The following SPOCK3 variants were observed in gnomAD, a reference collection of about 807,000 sequenced individuals.
SPOCK3 encodes testican-3.
Under a neutral mutation model 56.6 loss-of-function variants are expected in SPOCK3, and 30 were observed. The observed-to-expected ratio is 0.53, with a 90% confidence interval of 0.40 to 0.72. The LOEUF (loss-of-function observed/expected upper bound fraction) is 0.72. SPOCK3 is among the 30% of genes least tolerant of loss of function. The pLI, the probability that SPOCK3 is intolerant of heterozygous loss-of-function variation, is 0.00. For synonymous variants in SPOCK3, 196 were observed against 183.3 expected (o/e 1.07, Z -0.56); for missense variants, 527 against 530.0 (o/e 0.99, Z 0.06).
intron 2 of SPOCK3, among the ~76,000 whole-genome samples, chr4:167,174,063 T>C (rs1730743617): frequency 6.6e-6 from 1 of 152,170 alleles, no homozygotes; most frequent in South Asian, 2.1e-4. Flanking sequence ...TACCATTGTT[T>C]TTTAATAGCT....
At chr4:167,088,765 T>A (rs1758439350) in intron 2 of SPOCK3, among the ~76,000 whole-genome samples, 2 of 152,114 alleles carry the variant, frequency 1.3e-5, no homozygotes, top group South Asian at 4.1e-4. Flanking sequence ...GCCTGGCTGC[T>A]CATTTTTAAG....
intron 2 of SPOCK3, among the ~76,000 whole-genome samples, chr4:167,117,994 A>G (rs1761572771): frequency 6.6e-6 from 1 of 152,144 alleles, no homozygotes; most frequent in African/African-American, 2.4e-5. Context: ...GTTTCTACTA[A>G]TCTTTTACAT....
At chr4:167,077,823 G>A (rs553571480) in intron 2 of SPOCK3, among the ~76,000 whole-genome samples, 2 of 151,796 alleles carry the variant, frequency 1.3e-5, no homozygotes, top group Admixed American at 1.3e-4. Context: ...CTGCAGGTGA[G>A]TCCATTCATA....
intron 2 of SPOCK3, among the ~76,000 whole-genome samples, chr4:167,161,285 G>C (rs1217853963): frequency 1.3e-5 from 2 of 152,040 alleles, no homozygotes; most frequent in Non-Finnish European, 2.9e-5. Flanking sequence ...AGACACATGA[G>C]AAAATGCTCA....
intron 2 of SPOCK3, among the ~76,000 whole-genome samples, chr4:167,075,713 C>G (rs1178064575): frequency 1.3e-5 from 2 of 151,950 alleles, no homozygotes; most frequent in Non-Finnish European, 2.9e-5. Flanking sequence ...ATGACCACAG[C>G]TCCCTGCAAC....
intron 3 of SPOCK3, among the ~76,000 whole-genome samples, chr4:167,037,696 CAAAG>C (rs1752888645): frequency 6.6e-6 from 1 of 152,076 alleles, no homozygotes; most frequent in African/African-American, 2.4e-5. Context: ...GGAAGAGAAA[CAAAG>C]AAGTCACTAT....
intron 4 of SPOCK3, among the ~76,000 whole-genome samples, chr4:166,966,240 G>GT (rs35645475): frequency 0.36 from 51,553 of 141,268 alleles, 9,372 homozygotes; most frequent in Admixed American, 0.5. Flanking sequence ...TCCTTTCAGC[G>GT]TTTTTTTTTT....
At chr4:166,979,199 G>A (rs1429252869) in intron 4 of SPOCK3, among the ~76,000 whole-genome samples, 1 of 152,086 alleles carries the variant, frequency 6.6e-6, no homozygotes, top group Non-Finnish European at 1.5e-5. Flanking sequence ...CTGAAAAAGA[G>A]CTCCTCTTCC....
intron 4 of SPOCK3, among the ~76,000 whole-genome samples, chr4:166,995,258 T>TGC (rs1748233011): frequency 6.6e-6 from 1 of 151,746 alleles, no homozygotes; most frequent in Non-Finnish European, 1.5e-5. Context: ...TATGTGTGTG[T>TGC]GTGTGCATAC....
At chr4:166,763,698 A>G (rs1737558655) in intron 7 of SPOCK3, among the ~76,000 whole-genome samples, 1 of 134,628 alleles carries the variant, frequency 7.4e-6, no homozygotes, top group African/African-American at 2.6e-5. Flanking sequence ...CTTACAGCAT[A>G]TGTAAAGTGT....
rs529324616 is a variant in SPOCK3 at position 166,763,790 on chromosome 4, ATAGT to A, written c.710-9065_710-9062del. Among the ~76,000 whole-genome samples the A allele has an allele frequency of 1.8e-4, 27 of 152,272 alleles. No homozygotes were observed. In the South Asian group the frequency reaches 5.4e-3, roughly 30 times the overall value. ...TAGAGCAAACACCAAAAAGTAAAAT[ATAGT>A]TAATTAACTATGTTAGTTTGGTATT... On this transcript the variant is annotated intron_variant, in intron 7 of 10. Coordinates refer to ENST00000357545, the MANE Select transcript of SPOCK3 (RefSeq NM_001040159.2).
At chr4:166,753,490 T>G (rs1736682312) in intron 8 of SPOCK3, among the ~76,000 whole-genome samples, 1 of 151,984 alleles carries the variant, frequency 6.6e-6, no homozygotes, top group Non-Finnish European at 1.5e-5. Context: ...TGTACTCAAC[T>G]AAAGCTTCTG....
intron 6 of SPOCK3, among the ~76,000 whole-genome samples, chr4:166,829,756 C>T (rs1673572820): frequency 1.3e-5 from 2 of 152,028 alleles, no homozygotes. Context: ...TATTGTGTAG[C>T]TTATCATAAC....
chr4:166,774,041 A>T lies in SPOCK3; in HGVS notation c.709+18129T>A, dbSNP rs185037031. ...AAAAGTTGTATTGTCCTTGTAAGGT[A>T]CAAATATAAGATAATTGGCATTGCA... On this transcript the variant is annotated intron_variant, in intron 7 of 10. Transcript: ENST00000357545. 2.0e-4 allele frequency among the ~76,000 whole-genome samples: 30 copies of T among 152,350 alleles called. 1 individual carries two copies. Among genetic ancestry groups the T allele is most frequent in the Admixed American group, 2.0e-3 (30 of 15,300 alleles).
chr4:167,010,485 A>G (rs1749924866), intron 3 of SPOCK3, among the ~76,000 whole-genome samples: 1 of 146,122 alleles, frequency 6.8e-6, no homozygotes, highest in Non-Finnish European at 1.5e-5. Context: ...ACGCCACTGC[A>G]CTACAGTCTG....
chr4:167,001,628 T>C (rs1254566465), intron 3 of SPOCK3, among the ~76,000 whole-genome samples: 1 of 152,196 alleles, frequency 6.6e-6, no homozygotes, highest in Non-Finnish European at 1.5e-5. Flanking sequence ...TTTGTTGTAA[T>C]TTATTGTTGG....
intron 6 of SPOCK3, among the ~76,000 whole-genome samples, chr4:166,818,168 T>C (rs1017637333): frequency 3.9e-5 from 6 of 151,982 alleles, no homozygotes; most frequent in African/African-American, 1.4e-4. Flanking sequence ...TCACTTAACA[T>C]AATATTCCCC....
intron 7 of SPOCK3, among the ~76,000 whole-genome samples, chr4:166,772,625 A>T (rs1739079136): frequency 6.6e-6 from 1 of 152,224 alleles, no homozygotes; most frequent in Admixed American, 6.5e-5. Context: ...GGAAATTGAT[A>T]CAACAGAATA....
chr4:167,151,521 G>A (rs1052917893), intron 2 of SPOCK3, among the ~76,000 whole-genome samples: 1 of 147,872 alleles, frequency 6.8e-6, no homozygotes, highest in Non-Finnish European at 1.5e-5. Context: ...TGCAAGCTCC[G>A]CCTCCCAGGT....
Sources: gnomAD v4.1 joint callset for allele counts (sites outside exome capture counted in the v4.1 genomes callset) on GRCh38, gnomAD v4.1.1 for gene constraint, MANE v1.5 for transcripts, NCBI Gene and HGNC (gene_info 2026-07-23, HGNC 2026-07-21) for gene names.